DUSP26: variants seen among roughly 807,000 people sequenced by gnomAD.
DUSP26 encodes the protein dual specificity protein phosphatase 26.
Under a neutral mutation model 20.0 loss-of-function variants are expected in DUSP26, and 12 were observed. The ratio of observed to expected loss-of-function variants is 0.60; its 90% CI spans 0.38 to 0.97. DUSP26 has a LOEUF of 0.97. Ranked by LOEUF, DUSP26 falls within the 50% of genes least tolerant of loss-of-function variation. DUSP26 has a pLI of 0.00. For missense variants in DUSP26, 230 were observed against 294.0 expected (o/e 0.78, Z 1.59); for synonymous variants, 120 against 118.8 (o/e 1.01, Z -0.06).
At chr8:33,593,992 G>A (rs1052063329) in intron 2 of DUSP26, among the ~76,000 whole-genome samples, 1 of 152,038 alleles carries the variant, frequency 6.6e-6, no homozygotes, top group African/African-American at 2.4e-5. Flanking sequence ...GATAATTTTT[G>A]TATCTTTAGT....
rs532519533 is a variant in DUSP26 at position 33,597,790 on chromosome 8, T to C, written c.-76-199A>G. ...TCTTTGGCTCTGCCACGAAACGAGGTGGGAGAGTCACATGTCCTTGTTTAC... is the reference window on the plus strand; with the variant it reads ...TCTTTGGCTCTGCCACGAAACGAGGCGGGAGAGTCACATGTCCTTGTTTAC... On this transcript the variant is annotated intron_variant, in intron 1 of 3. Transcript: ENST00000256261. 1.9e-5 allele frequency: 7 copies of C among 375,994 alleles called. No individual in the cohort carries two copies. The South Asian group carries it at 2.6e-4, about 14-fold the overall frequency. 23.3% of individuals were successfully genotyped at this position (375,994 alleles called of 1,614,324 possible). A position where few individuals can be genotyped will look rare whatever the true frequency, so the allele number is the denominator to read the frequency against.
intron 2 of DUSP26, among the ~76,000 whole-genome samples, chr8:33,595,687 C>T (rs1446722289): frequency 6.6e-6 from 1 of 151,998 alleles, no homozygotes; most frequent in Non-Finnish European, 1.5e-5. Context: ...CCACATTTAC[C>T]CTGTTTTATG....
In DUSP26 at chr8:33,599,652, G is replaced by C. The variant is rs1226080682; in HGVS notation, c.-77+13C>G. The C allele has an allele frequency of 6.6e-6, 1 of 152,230 alleles. No homozygotes were observed. Among genetic ancestry groups the C allele is most frequent in the Non-Finnish European group, 1.5e-5 (1 of 68,044 alleles). 9.4% of individuals were successfully genotyped at this position (152,230 alleles called of 1,614,324 possible). A position where few individuals can be genotyped will look rare whatever the true frequency, so the allele number is the denominator to read the frequency against. On this transcript the variant is annotated intron_variant, in intron 1 of 3. Transcript: ENST00000256261. ...CCAGCTGAAAAGGCGAAGGCCCGCC[G>C]CAGCCCCTCTACCTCTTTGCAAGCG...
chr8:33,594,826 C>G (rs185463380), intron 2 of DUSP26, among the ~76,000 whole-genome samples: 343 of 151,064 alleles, frequency 2.3e-3, no homozygotes, highest in African/African-American at 6.6e-3. Context: ...CAGGTTCAAG[C>G]GAATCTCCTG....
intron 1 of DUSP26, chr8:33,597,882 T>TACAC (rs150976098): frequency 0.015 from 2,358 of 152,898 alleles, 32 homozygotes; most frequent in Middle Eastern, 0.026. Context: ...CCAGCACGCA[T>TACAC]ACACACACAC....
chr8:33,593,744 G>A lies in DUSP26; in HGVS notation c.225C>T (p.Asp75=), dbSNP rs773032827. The change falls in exon 3 of 4, where the codon GAC becomes GAT. Residue 75 remains aspartate, a synonymous_variant. Coordinates refer to ENST00000256261, the MANE Select transcript of DUSP26 (RefSeq NM_024025.3). Reference sequence around the variant, plus strand: ...GAAGCTCCCGGCGGTTGTTAGCCATGTCCCTGCATTGAGTAGAGGTTAGAG... The same window carrying A: ...GAAGCTCCCGGCGGTTGTTAGCCATATCCCTGCATTGAGTAGAGGTTAGAG... The part of the protein sequence containing the change: ...VWPGLYLGDQ[D]MANNRRELRR... The A allele has an allele frequency of 1.2e-6, 2 of 1,614,170 alleles. No homozygotes were observed. Among genetic ancestry groups the A allele is most frequent in the Non-Finnish European group, 8.5e-7 (1 of 1,180,014 alleles).
intron 2 of DUSP26, among the ~76,000 whole-genome samples, chr8:33,595,686 C>A (rs149989681): frequency 6.6e-6 from 1 of 151,922 alleles, no homozygotes; most frequent in African/African-American, 2.4e-5. Context: ...GCCACATTTA[C>A]CCTGTTTTAT....
intron 1 of DUSP26, chr8:33,597,807 C>T (rs1811184817): frequency 3.1e-6 from 1 of 325,886 alleles, no homozygotes; most frequent in Non-Finnish European, 5.7e-6. Context: ...GTCACATGTC[C>T]TTGTTTACGG....
chr8:33,592,035 A>G lies in DUSP26; in HGVS notation c.614T>C (p.Leu205Pro). 1 of 1,613,658 alleles carries G rather than the reference A, an allele frequency of 6.2e-7. No homozygotes were observed. The highest frequency in any genetic ancestry group is 8.5e-7 in the Non-Finnish European group (1 of 1,179,968). Residue 205 changes from leucine to proline, a missense_variant, in exon 4 of 4, where the codon CTG becomes CCG. Transcript: ENST00000256261. ...LRQLLALDRRLRQGLEA is the reference protein window; with the variant it reads ...LRQLLALDRRPRQGLEA ...CCCTCATGCTTCCAGACCCTGCCGCAGCCTGCGGTCCAGGGCCAGGAGCTG... is the reference window on the plus strand; with the variant it reads ...CCCTCATGCTTCCAGACCCTGCCGCGGCCTGCGGTCCAGGGCCAGGAGCTG...
In DUSP26 at chr8:33,597,348, C is replaced by G; in HGVS notation, c.168G>C (p.Lys56Asn). The G allele has an allele frequency of 1.2e-6, 2 of 1,613,938 alleles. No homozygotes were observed. Among genetic ancestry groups the G allele is most frequent in the Non-Finnish European group, 1.7e-6 (2 of 1,180,004 alleles). Residue 56 changes from lysine (K) to asparagine (N), a missense_variant, in exon 2 of 4, where the codon AAG (lysine) becomes AAC (asparagine). Physicochemically the swap from Lys to Asn is moderately conservative, Grantham distance 94. Coordinates refer to ENST00000256261, the MANE Select transcript of DUSP26 (RefSeq NM_024025.3). ...FELERLLYTG[K>N]TACNHADEVW... ...CCTCGTCGGCATGGTTACAGGCTGT[C>G]TTGCCTGTGTAGAGGAGCCGCTCCA...
At chr8:33,595,979 T>A (rs1056280768) in intron 2 of DUSP26, among the ~76,000 whole-genome samples, 2 of 152,040 alleles carry the variant, frequency 1.3e-5, no homozygotes, top group African/African-American at 4.8e-5. Flanking sequence ...AGAGAGATAA[T>A]GTGTGTGAAA....
chr8:33,597,666 C>T (rs1046538897), intron 1 of DUSP26, 75 bp from the exon 2 acceptor site: 55 of 644,054 alleles, frequency 8.5e-5, no homozygotes, highest in African/African-American at 2.6e-4. Context: ...GCTGGTCCTT[C>T]GGGAGAAGAT....
rs745687703 is a variant in DUSP26, at chr8:33,592,538, C to CAAAAAAAAAAAAAAA, written c.437-341_437-327dup. On this transcript the variant is annotated intron_variant, in intron 3 of 3. Transcript: ENST00000256261. ...AGGCAACAAAAGTGAAACCCCATCT[C>CAAAAAAAAAAAAAAA]AAAAAAAAAAAAAAAAAAAAAAAAA... Among the ~76,000 whole-genome samples, 57 of 23,768 alleles carry CAAAAAAAAAAAAAAA rather than the reference C, an allele frequency of 2.4e-3. 1 individual carries two copies. Among genetic ancestry groups the CAAAAAAAAAAAAAAA allele is most frequent in the African/African-American group, 9.4e-3 (55 of 5,868 alleles). The allele number at this position is 23,768 out of a possible 152,430, so 15.6% of individuals were successfully genotyped here. A position where few individuals can be genotyped will look rare whatever the true frequency, so the allele number is the denominator to read the frequency against.
intron 2 of DUSP26, among the ~76,000 whole-genome samples, chr8:33,596,966 T>A (rs895263941): frequency 1.3e-5 from 2 of 152,166 alleles, no homozygotes; most frequent in Non-Finnish European, 2.9e-5. Context: ...TTATTTATTT[T>A]ATTTTAAAAT....
intron 2 of DUSP26, among the ~76,000 whole-genome samples, chr8:33,596,206 C>T (rs376583597): frequency 6.6e-5 from 10 of 152,122 alleles, no homozygotes; most frequent in African/African-American, 2.2e-4. Context: ...ATTGCTTGAA[C>T]CCGGGAGGCG....
At position 33,597,351 on chromosome 8, in the gene DUSP26, G is replaced by A. The variant is rs1490111466; in HGVS notation, c.165C>T (p.Gly55=). ...CGTCGGCATGGTTACAGGCTGTCTT[G>A]CCTGTGTAGAGGAGCCGCTCCAACT... ...VFELERLLYT[G]KTACNHADEV... The change falls in exon 2 of 4, where the codon GGC becomes GGT. Residue 55 remains glycine (G), a synonymous_variant. Coordinates refer to ENST00000256261, the MANE Select transcript of DUSP26 (RefSeq NM_024025.3). The A allele has an allele frequency of 3.7e-6, 6 of 1,613,852 alleles. No homozygotes were observed. Among genetic ancestry groups the A allele is most frequent in the Non-Finnish European group, 5.1e-6 (6 of 1,180,028 alleles).
chr8:33,597,879 G>GCACACACACACACACA (rs1260206910), intron 1 of DUSP26: 11 of 85,722 alleles, frequency 1.3e-4, no homozygotes, highest in Admixed American at 9.5e-4. Context: ...CTGCCAGCAC[G>GCACACACACACACACA]CATACACACA....
rs1447464992 is a variant in DUSP26, at chr8:33,591,802, A to C, written c.*211T>G. 1.9e-5 allele frequency: 11 copies of C among 587,646 alleles called. No homozygotes were observed. The East Asian group carries it at 3.3e-4, about 18-fold the overall frequency. 36.4% of individuals were successfully genotyped at this position (587,646 alleles called of 1,614,324 possible). Reference sequence around the variant, plus strand: ...GCCTAGCTGCCTCCTTCCCTGGTCAACCCTTCCTGGGTGCCCATCCACCAC... The same window carrying C: ...GCCTAGCTGCCTCCTTCCCTGGTCACCCCTTCCTGGGTGCCCATCCACCAC... On this transcript the variant is annotated 3_prime_UTR_variant, in exon 4 of 4. Transcript: ENST00000256261.
chr8:33,591,849 TCC>T lies in DUSP26; in HGVS notation c.*162_*163del. ...CCACACTGCCCAACCTCACTCCCCG[TCC>T]CCTCCCACAAAGAGTGACAGTGGCC... On this transcript the variant is annotated 3_prime_UTR_variant, in exon 4 of 4. Transcript: ENST00000256261. The T allele has an allele frequency of 6.3e-6, 5 of 788,018 alleles. No homozygotes were observed. The highest frequency in any genetic ancestry group is 9.8e-6 in the Non-Finnish European group (5 of 509,540). 48.8% of individuals were successfully genotyped at this position (788,018 alleles called of 1,614,324 possible).
Sources: allele counts gnomAD v4.1 joint callset (sites outside exome capture counted in the v4.1 genomes callset), GRCh38; gene constraint gnomAD v4.1.1; transcripts MANE v1.5; gene names NCBI Gene and HGNC (gene_info 2026-07-23, HGNC 2026-07-21).